The following SBF2 variants were observed in gnomAD, a reference collection of about 807,000 sequenced individuals.
SBF2 encodes the protein myotubularin-related protein 13.
Under a neutral mutation model 225.2 loss-of-function variants are expected in SBF2, and 112 were observed. That is an observed-to-expected ratio of 0.50 (90% CI 0.43 to 0.58). The LOEUF (loss-of-function observed/expected upper bound fraction) is 0.58. Ranked by LOEUF, SBF2 falls within the 20% of genes least tolerant of loss-of-function variation. SBF2 has a pLI of 0.00. For synonymous variants in SBF2, 763 were observed against 773.3 expected, an observed-to-expected ratio of 0.99 and a Z score of 0.22; for missense variants, 1,996 against 2,206.2, an observed-to-expected ratio of 0.90 and a Z score of 1.91.
chr11:10,003,516 C>T (rs760907827), intron 6 of SBF2, among the ~76,000 whole-genome samples: 4 of 151,882 alleles, frequency 2.6e-5, no homozygotes, highest in Admixed American at 6.6e-5. Flanking sequence ...TACAGGCGCC[C>T]GCCACCATGC....
intron 17 of SBF2, among the ~76,000 whole-genome samples, chr11:9,881,954 C>G (rs927371293): frequency 3.3e-5 from 5 of 152,124 alleles, no homozygotes; most frequent in Non-Finnish European, 5.9e-5. Flanking sequence ...TGCCACTGCA[C>G]TTCAGCCTAG....
intron 6 of SBF2, among the ~76,000 whole-genome samples, chr11:10,015,708 C>G (rs1255646096): frequency 6.6e-6 from 1 of 152,138 alleles, no homozygotes; most frequent in East Asian, 1.9e-4. Flanking sequence ...ATTAACAGAC[C>G]TACAAGTAAT....
chr11:9,849,225 AT>A (rs141922086), intron 22 of SBF2, among the ~76,000 whole-genome samples: 3,612 of 152,250 alleles, frequency 0.024, 55 homozygotes, highest in Middle Eastern at 0.061. Flanking sequence ...TACAGCCAAC[AT>A]TAAGAACCAC....
intron 36 of SBF2, among the ~76,000 whole-genome samples, chr11:9,785,868 T>C (rs1165980673): frequency 1.0e-4 from 5 of 49,480 alleles, no homozygotes; most frequent in Non-Finnish European, 2.5e-4. Flanking sequence ...AATAAAGATG[T>C]TGATGGTTTT....
intron 6 of SBF2, among the ~76,000 whole-genome samples, chr11:10,020,392 G>A (rs954480477): frequency 1.3e-5 from 2 of 152,042 alleles, no homozygotes; most frequent in Non-Finnish European, 2.9e-5. Context: ...TGTATGCAGA[G>A]AGCCTACCTC....
chr11:9,898,895 G>A (rs748593983), intron 16 of SBF2, among the ~76,000 whole-genome samples: 11 of 152,160 alleles, frequency 7.2e-5, no homozygotes, highest in Non-Finnish European at 1.5e-4. Context: ...ATGAGAAAAA[G>A]GGGCTAAGGA....
chr11:10,159,254 G>GT (rs1955613405), intron 2 of SBF2, among the ~76,000 whole-genome samples: 1 of 152,170 alleles, frequency 6.6e-6, no homozygotes, highest in East Asian at 1.9e-4. Context: ...AAAAAAGATG[G>GT]TAACAGCCCT....
intron 2 of SBF2, among the ~76,000 whole-genome samples, chr11:10,088,637 A>G (rs1222489246): frequency 6.6e-6 from 1 of 152,178 alleles, no homozygotes; most frequent in Non-Finnish European, 1.5e-5. Flanking sequence ...CTGGCTCTTT[A>G]TAACAACCAG....
At chr11:9,920,850 C>T (rs1206726046) in intron 16 of SBF2, among the ~76,000 whole-genome samples, 3 of 152,062 alleles carry the variant, frequency 2.0e-5, no homozygotes, top group South Asian at 2.1e-4. Context: ...AGAGAGACCA[C>T]GTCTTTCTAA....
chr11:9,936,978 A>C (rs563007119), intron 16 of SBF2, among the ~76,000 whole-genome samples: 2 of 152,292 alleles, frequency 1.3e-5, no homozygotes, highest in South Asian at 2.1e-4. Flanking sequence ...ATCATCTCTT[A>C]AAGGTCCCAC....
chr11:9,795,791 A>G (rs1459149206), intron 33 of SBF2, 40 bp downstream of exon 33: 1 of 1,605,478 alleles, frequency 6.2e-7, no homozygotes, highest in Non-Finnish European at 8.5e-7. Context: ...AACATGCAGA[A>G]CTAACAAAAA....
intron 26 of SBF2, among the ~76,000 whole-genome samples, chr11:9,833,721 G>A (rs1356478278): frequency 1.4e-5 from 2 of 147,582 alleles, no homozygotes; most frequent in African/African-American, 5.0e-5. Flanking sequence ...TGCCCAGCTG[G>A]TGATTTATAA....
intron 10 of SBF2, among the ~76,000 whole-genome samples, chr11:9,993,508 A>G (rs1360831547): frequency 6.6e-6 from 1 of 152,212 alleles, no homozygotes; most frequent in Non-Finnish European, 1.5e-5. Context: ...AATTGAAACT[A>G]TTTTCATCCA....
At chr11:9,980,227 C>T (rs1223657190) in intron 13 of SBF2, among the ~76,000 whole-genome samples, 4 of 151,062 alleles carry the variant, frequency 2.6e-5, no homozygotes, top group East Asian at 3.9e-4. Context: ...GTGATCTGCC[C>T]GCCTCAGCCT....
intron 2 of SBF2, among the ~76,000 whole-genome samples, chr11:10,130,971 G>T (rs748453689): frequency 4.6e-5 from 7 of 151,824 alleles, no homozygotes; most frequent in Non-Finnish European, 1.0e-4. Context: ...TTCCAATTTT[G>T]GGCCATTGAA....
chr11:9,916,249 T>G (rs963898080), intron 16 of SBF2, among the ~76,000 whole-genome samples: 1 of 152,286 alleles, frequency 6.6e-6, no homozygotes, highest in East Asian at 1.9e-4. Context: ...TAATAGAAGA[T>G]CAGAGAAAAG....
intron 1 of SBF2, among the ~76,000 whole-genome samples, chr11:10,292,069 T>C (rs917555402): frequency 4.7e-4 from 71 of 152,274 alleles, no homozygotes; most frequent in African/African-American, 1.7e-3. Context: ...ATGTTCCAGA[T>C]TGAGGGAGAC....
chr11:10,177,500 C>G (rs201445793), intron 2 of SBF2, among the ~76,000 whole-genome samples: 8,989 of 142,640 alleles, frequency 0.063, 414 homozygotes, highest in East Asian at 0.18. Context: ...AAAGTCTCAG[C>G]ATACAAAATC....
chr11:9,955,031 A>T (rs371801948), intron 16 of SBF2, among the ~76,000 whole-genome samples: 4 of 152,106 alleles, frequency 2.6e-5, no homozygotes, highest in African/African-American at 9.6e-5. Context: ...TAAAGTAACA[A>T]AAGACAGGGC....
Sources: allele counts gnomAD v4.1 joint callset (sites outside exome capture counted in the v4.1 genomes callset), GRCh38; gene constraint gnomAD v4.1.1; transcripts MANE v1.5; gene names NCBI Gene and HGNC (gene_info 2026-07-23, HGNC 2026-07-21).